The following PTCHD1 variants were observed in gnomAD, a reference collection of about 807,000 sequenced individuals.
PTCHD1 encodes patched domain containing 1, also known as patched domain-containing protein 1.
In PTCHD1, 3 loss-of-function variants were observed where a neutral mutation model predicts 34.6. That is an observed-to-expected ratio of 0.09 (90% CI 0.04 to 0.22). PTCHD1 has a LOEUF of 0.22. Among genes scored for constraint, PTCHD1 ranks in the 10% least tolerant of loss-of-function variants. PTCHD1 has a pLI of 1.00. For missense variants in PTCHD1, 504 were observed against 685.5 expected (o/e 0.74, Z 2.96); for synonymous variants, 305 against 283.1 (o/e 1.08, Z -0.77).
intron 1 of PTCHD1, among the ~76,000 whole-genome samples, chrX:23,354,688 T>A (rs1157406219): frequency 9.4e-6 from 1 of 106,251 alleles, no homozygotes; most frequent in African/African-American, 3.4e-5. Context: ...TTCTCCTGCC[T>A]CAGCCTCCCG....
chrX:23,393,522 G>A lies in PTCHD1; in HGVS notation c.2004G>A (p.Leu668=). ...AACTCTATGATCTCTTGGAAACCCTGAGGAGACTTTCTGTCACCTCCAAGG... is the reference window on the plus strand; with the variant it reads ...AACTCTATGATCTCTTGGAAACCCTAAGGAGACTTTCTGTCACCTCCAAGG... ...REELYDLLET[L]RRLSVTSKVK... is the part of the protein sequence containing the mutation. The change falls in exon 3 of 3, where the codon CTG becomes CTA. Residue 668 remains leucine, a synonymous_variant. Transcript: ENST00000379361. The A allele has an allele frequency of 8.3e-7, 1 of 1,211,750 alleles. No homozygotes were observed. The highest frequency in any genetic ancestry group is 1.8e-5 in the South Asian group (1 of 56,990).
intron 1 of PTCHD1, among the ~76,000 whole-genome samples, chrX:23,342,292 ATATATATATATATATATATTTTTT>A (rs1420986041): frequency 4.2e-4 from 3 of 7,065 alleles, no homozygotes; most frequent in Admixed American, 3.3e-3. Flanking sequence ...ATATATATAT[ATATATATATATATATATATTTTTT>A]TTTTTTTTTT....
intron 1 of PTCHD1, among the ~76,000 whole-genome samples, chrX:23,347,266 C>G (rs901542531): frequency 2.7e-5 from 3 of 111,989 alleles, no homozygotes; most frequent in African/African-American, 9.7e-5. Context: ...GGTCACAGGT[C>G]TACTAAAAGA....
In PTCHD1 at chrX:23,403,062, G is replaced by A. The variant is rs1312011024; in HGVS notation, c.*8877G>A. On this transcript the variant is annotated 3_prime_UTR_variant, in exon 3 of 3. Coordinates refer to ENST00000379361, the MANE Select transcript of PTCHD1 (RefSeq NM_173495.3). ...ACATGGCCCCTCTCTTATTGTCATT[G>A]CTAGTGAAAGAAGTTCCTGAAATTG... 1 of 112,450 alleles carries A rather than the reference G, an allele frequency of 8.9e-6. No homozygotes were observed. Among genetic ancestry groups the A allele is most frequent in the Non-Finnish European group, 1.9e-5 (1 of 53,267 alleles). 9.3% of individuals were successfully genotyped at this position (112,450 alleles called of 1,213,427 possible).
intron 1 of PTCHD1, among the ~76,000 whole-genome samples, chrX:23,358,120 C>T (rs1009018761): frequency 1.8e-5 from 2 of 111,622 alleles, no homozygotes; most frequent in Non-Finnish European, 3.8e-5. Context: ...AATAAACATA[C>T]GGGTGCATGT....
At chrX:23,346,171 A>C (rs976897442) in intron 1 of PTCHD1, among the ~76,000 whole-genome samples, 3 of 112,418 alleles carry the variant, frequency 2.7e-5, no homozygotes, top group Non-Finnish European at 3.8e-5. Flanking sequence ...TACAGCAGGC[A>C]CAAATAGGAG....
intron 2 of PTCHD1, among the ~76,000 whole-genome samples, chrX:23,385,156 A>G (rs1258920043): frequency 9.0e-6 from 1 of 111,454 alleles, no homozygotes; most frequent in African/African-American, 3.3e-5. Context: ...GTAATGGTCC[A>G]TGGTCATTAT....
chrX:23,362,580 T>G (rs758736974), intron 1 of PTCHD1, among the ~76,000 whole-genome samples: 4 of 112,201 alleles, frequency 3.6e-5, no homozygotes, highest in African/African-American at 1.3e-4. Context: ...ACATCCTCCT[T>G]TAGCTCGGAG....
chrX:23,371,140 G>C (rs1922268396), intron 1 of PTCHD1, among the ~76,000 whole-genome samples: 1 of 111,888 alleles, frequency 8.9e-6, no homozygotes, highest in Admixed American at 9.4e-5. Context: ...TAAATGCCAG[G>C]CCAGACACCT....
rs1325312283 is a variant in PTCHD1, at chrX:23,399,296, C to T, written c.*5111C>T. 2 of 112,084 alleles carry T rather than the reference C, an allele frequency of 1.8e-5. No individual in the cohort carries two copies. Among genetic ancestry groups the T allele is most frequent in the African/African-American group, 6.5e-5 (2 of 30,832 alleles). The allele number at this position is 112,084 out of a possible 1,213,427, so 9.2% of individuals were successfully genotyped here. The stretch of plus-strand genomic sequence containing the variant: ...CCTCAATTCTTTCTCCATTTTGCCA[C>T]TTTACTGCCAAATTCTATTCATCTA... On this transcript the variant is annotated 3_prime_UTR_variant, in exon 3 of 3. Coordinates refer to ENST00000379361, the MANE Select transcript of PTCHD1 (RefSeq NM_173495.3).
chrX:23,361,798 T>C (rs1369763426), intron 1 of PTCHD1, among the ~76,000 whole-genome samples: 2 of 112,279 alleles, frequency 1.8e-5, no homozygotes, highest in Non-Finnish European at 1.9e-5. Context: ...CGTTTGTTCC[T>C]TTCCATGTTT....
intron 1 of PTCHD1, among the ~76,000 whole-genome samples, chrX:23,359,869 C>G (rs1265306391): frequency 5.4e-5 from 6 of 111,698 alleles, no homozygotes; most frequent in Admixed American, 1.9e-4. Flanking sequence ...GGGCTGTTGA[C>G]TTTTGTTGAA....
chrX:23,388,146 C>A (rs2146648070), intron 2 of PTCHD1, among the ~76,000 whole-genome samples: 1 of 111,391 alleles, frequency 9.0e-6, no homozygotes, highest in Admixed American at 9.5e-5. Flanking sequence ...ACCACAGGGT[C>A]CCTACTGACC....
chrX:23,347,523 A>T (rs1921509267), intron 1 of PTCHD1, among the ~76,000 whole-genome samples: 1 of 112,393 alleles, frequency 8.9e-6, no homozygotes, highest in East Asian at 2.8e-4. Flanking sequence ...TGACCCCTAG[A>T]TTAACATAAA....
chrX:23,367,761 G>T (rs1292831346), intron 1 of PTCHD1, among the ~76,000 whole-genome samples: 3 of 111,614 alleles, frequency 2.7e-5, no homozygotes, highest in Non-Finnish European at 5.6e-5. Flanking sequence ...ATGATGACAG[G>T]ATAGTATCAC....
intron 1 of PTCHD1, among the ~76,000 whole-genome samples, chrX:23,365,578 T>C (rs1289881243): frequency 9.0e-6 from 1 of 111,462 alleles, no homozygotes; most frequent in African/African-American, 3.3e-5. Flanking sequence ...ACAGTCACAC[T>C]GGGGGAAGCT....
chrX:23,367,538 G>A (rs898278089), intron 1 of PTCHD1, among the ~76,000 whole-genome samples: 3 of 111,340 alleles, frequency 2.7e-5, no homozygotes, highest in South Asian at 7.6e-4. Context: ...TAGGGCTGGC[G>A]TGCTCAGGGA....
intron 2 of PTCHD1, among the ~76,000 whole-genome samples, chrX:23,389,815 A>T (rs1057213528): frequency 8.9e-6 from 1 of 112,039 alleles, no homozygotes; most frequent in Admixed American, 9.4e-5. Flanking sequence ...AACATATGCA[A>T]AAAGAGCCAG....
chrX:23,389,456 G>A (rs1169189780), intron 2 of PTCHD1, among the ~76,000 whole-genome samples: 2 of 112,156 alleles, frequency 1.8e-5, no homozygotes, highest in Non-Finnish European at 3.8e-5. Flanking sequence ...AGGAGGCCCA[G>A]TTATGGTATC....
Sources: allele counts gnomAD v4.1 joint callset (sites outside exome capture counted in the v4.1 genomes callset), GRCh38; gene constraint gnomAD v4.1.1; transcripts MANE v1.5; gene names NCBI Gene and HGNC (gene_info 2026-07-23, HGNC 2026-07-21).